SYT2: variants seen among roughly 807,000 people sequenced by gnomAD.
SYT2 encodes synaptotagmin 2, also known as synaptotagmin-2.
Under a neutral mutation model 39.9 loss-of-function variants are expected in SYT2, and 15 were observed. The observed-to-expected ratio is 0.38, with a 90% CI of 0.25 to 0.58. The LOEUF (loss-of-function observed/expected upper bound fraction) is 0.58. Among genes scored for constraint, SYT2 ranks in the 20% least tolerant of loss-of-function variants. The pLI is 0.70. For synonymous variants in SYT2, 181 were observed against 204.5 expected, an observed-to-expected ratio of 0.89 and a Z score of 0.98; for missense variants, 389 against 530.3, an observed-to-expected ratio of 0.73 and a Z score of 2.62.
chr1:202,639,868 A>T (rs1308736645), intron 1 of SYT2: 1 of 976,520 alleles, frequency 1.0e-6, no homozygotes, highest in Non-Finnish European at 1.2e-6. Flanking sequence ...CAACTGCAGG[A>T]CTGTGAACTG....
At chr1:202,709,017 C>T (rs1014554787) in intron 1 of SYT2, among the ~76,000 whole-genome samples, 2 of 152,212 alleles carry the variant, frequency 1.3e-5, no homozygotes, top group Non-Finnish European at 2.9e-5. Flanking sequence ...CCCCGCAGGG[C>T]GGCAGCAGTA....
rs116571935 is a variant in SYT2, at chr1:202,607,680, A to G, written c.-17-1891T>C. On this transcript the variant is annotated intron_variant, in intron 1 of 8. Transcript: ENST00000367268. ...ATTTATTTAACTCTTACTGTCTGCC[A>G]TGTTGAAATAGCCTTGACCCCAAAA... Among the ~76,000 whole-genome samples, 739 of 152,304 alleles carry G rather than the reference A, an allele frequency of 4.9e-3. 6 individuals carry two copies. Among genetic ancestry groups the G allele is most frequent in the African/African-American group, 0.017 (707 of 41,556 alleles).
At chr1:202,638,768 C>T (rs533094278) in intron 1 of SYT2, among the ~76,000 whole-genome samples, 1 of 152,362 alleles carries the variant, frequency 6.6e-6, no homozygotes, top group East Asian at 1.9e-4. Context: ...GCCCCTACCC[C>T]GCCCCATCCC....
chr1:202,625,305 C>G (rs1469250825), intron 1 of SYT2, among the ~76,000 whole-genome samples: 50 of 11,980 alleles, frequency 4.2e-3, no homozygotes, highest in African/African-American at 6.6e-3. Context: ...TGTGCTGTGT[C>G]TGTGTGGTGT....
chr1:202,652,933 T>G (rs531320648), intron 1 of SYT2, among the ~76,000 whole-genome samples: 234 of 152,228 alleles, frequency 1.5e-3, no homozygotes, highest in African/African-American at 5.2e-3. Flanking sequence ...TGGCCTTTGA[T>G]GCATATCATT....
At chr1:202,598,961 A>G (rs1207956590) in intron 8 of SYT2, among the ~76,000 whole-genome samples, 1 of 152,174 alleles carries the variant, frequency 6.6e-6, no homozygotes, top group African/African-American at 2.4e-5. Context: ...ATCTGTGTGC[A>G]TGACCATGGT....
chr1:202,634,077 G>A (rs1416288191), intron 1 of SYT2, among the ~76,000 whole-genome samples: 1 of 152,294 alleles, frequency 6.6e-6, no homozygotes, highest in African/African-American at 2.4e-5. Context: ...ATCCCTTGAT[G>A]TCCCTCAAAT....
chr1:202,673,161 C>T (rs1250686934), intron 1 of SYT2, among the ~76,000 whole-genome samples: 1 of 152,080 alleles, frequency 6.6e-6, no homozygotes, highest in Non-Finnish European at 1.5e-5. Flanking sequence ...TATTAGCCAT[C>T]CTCCAAGTGT....
Position 202,599,387 on chromosome 1 carries a change from C to T in SYT2, c.920-36G>A, listed in dbSNP as rs886070976. The T allele has an allele frequency of 3.8e-6, 6 of 1,558,670 alleles. No homozygotes were observed. The African/African-American group carries it at 7.0e-5, about 18-fold the overall frequency. ...AGAATCCCAACCCCAGAGAGGTTCCCCTTAGCCCCCAGCCTTCCTGCCGAA... is the reference window on the plus strand; with the variant it reads ...AGAATCCCAACCCCAGAGAGGTTCCTCTTAGCCCCCAGCCTTCCTGCCGAA... On this transcript the variant is annotated intron_variant, in intron 7 of 8. Coordinates refer to ENST00000367268, the MANE Select transcript of SYT2 (RefSeq NM_177402.5). The surrounding 1 kb of genome is among the most constrained non-coding windows in gnomAD (Gnocchi z 4.4).
intron 1 of SYT2, chr1:202,630,329 G>A: frequency 1.0e-6 from 1 of 979,044 alleles, no homozygotes; most frequent in Non-Finnish European, 1.2e-6. Flanking sequence ...GGACACATGG[G>A]GAGAGGGAAC....
At chr1:202,656,876 A>G (rs1692287803) in intron 1 of SYT2, among the ~76,000 whole-genome samples, 1 of 152,158 alleles carries the variant, frequency 6.6e-6, no homozygotes, top group African/African-American at 2.4e-5. Context: ...ATCTTGAACT[A>G]AAATCTCTCT....
intron 1 of SYT2, among the ~76,000 whole-genome samples, chr1:202,686,546 G>T (rs1653672870): frequency 6.6e-6 from 1 of 152,110 alleles, no homozygotes; most frequent in Admixed American, 6.5e-5. Context: ...GCATGATAAT[G>T]GGGGGTGGGG....
intron 5 of SYT2, 124 bp from the exon 6 acceptor site, chr1:202,602,181 C>G: frequency 1.1e-6 from 1 of 945,686 alleles, no homozygotes; most frequent in Admixed American, 2.4e-5. Context: ...AGACAAAGAC[C>G]AAGGCTTTTG....
intron 1 of SYT2, among the ~76,000 whole-genome samples, chr1:202,606,808 C>G (rs1363602142): frequency 1.3e-5 from 2 of 152,058 alleles, no homozygotes; most frequent in Non-Finnish European, 2.9e-5. Context: ...ATTCTACCCT[C>G]CAAAGTCAAC....
At chr1:202,626,837 G>A (rs1056570730) in intron 1 of SYT2, among the ~76,000 whole-genome samples, 5 of 152,162 alleles carry the variant, frequency 3.3e-5, no homozygotes, top group Admixed American at 1.3e-4. Context: ...TGGGAGATGA[G>A]TTCATTTCCC....
At chr1:202,681,981 C>T (rs1465601953) in intron 1 of SYT2, among the ~76,000 whole-genome samples, 1 of 152,222 alleles carries the variant, frequency 6.6e-6, no homozygotes, top group Non-Finnish European at 1.5e-5. Flanking sequence ...GACAGCTCCA[C>T]CTGATGAGGC....
intron 1 of SYT2, among the ~76,000 whole-genome samples, chr1:202,705,485 G>A (rs927570917): frequency 6.6e-6 from 1 of 152,218 alleles, no homozygotes; most frequent in Non-Finnish European, 1.5e-5. Flanking sequence ...AAGTGACCAA[G>A]GAAGGGCCTC....
chr1:202,691,444 T>C (rs1653814028), intron 1 of SYT2, among the ~76,000 whole-genome samples: 1 of 151,848 alleles, frequency 6.6e-6, no homozygotes, highest in Non-Finnish European at 1.5e-5. Context: ...GCCCAGGAGT[T>C]TAAGACCAGA....
At chr1:202,655,420 T>G (rs1343204445) in intron 1 of SYT2, among the ~76,000 whole-genome samples, 1 of 152,198 alleles carries the variant, frequency 6.6e-6, no homozygotes, top group Non-Finnish European at 1.5e-5. Context: ...TTCTTCCGTT[T>G]TCTTTATCTA....
Sources: gnomAD v4.1 joint callset for allele counts (sites outside exome capture counted in the v4.1 genomes callset) on GRCh38, gnomAD v4.1.1 for gene constraint, Gnocchi (gnomAD v3.1) non-coding constraint, MANE v1.5 for transcripts, NCBI Gene and HGNC (gene_info 2026-07-23, HGNC 2026-07-21) for gene names.